Variants in CUX1 observed in about 807,000 individuals in gnomAD.
CUX1 encodes the protein protein CASP.
Under a neutral mutation model 158.8 loss-of-function variants are expected in CUX1, and 31 were observed. That is an observed-to-expected ratio of 0.20 (90% CI 0.15 to 0.26). The LOEUF (loss-of-function observed/expected upper bound fraction) is 0.26. CUX1 is among the 10% of genes least tolerant of loss of function. The pLI, the probability that CUX1 is intolerant of heterozygous loss-of-function variation, is 1.00. For missense variants in CUX1, 1,589 were observed against 2,014.6 expected (o/e 0.79, Z 4.04); for synonymous variants, 879 against 862.1 (o/e 1.02, Z -0.34).
chr7:101,898,653 C>T lies in CUX1; in HGVS notation c.31-17462C>T, dbSNP rs1440833575. Reference sequence around the variant, plus strand: ...TGGCCTGGGCTGGAGTGCAGCGGCGCGACCTTGGCTCACTGCAACCTCCGC... The same window carrying T: ...TGGCCTGGGCTGGAGTGCAGCGGCGTGACCTTGGCTCACTGCAACCTCCGC... On this transcript the variant is annotated intron_variant, in intron 1 of 23. Transcript: ENST00000292535. Among the ~76,000 whole-genome samples the T allele has an allele frequency of 4.7e-5, 7 of 147,682 alleles. No homozygotes were observed. In the East Asian group the frequency reaches 1.0e-3, roughly 21 times the overall value.
At chr7:102,030,227 G>T (rs542544206) in intron 3 of CUX1, among the ~76,000 whole-genome samples, 1 of 152,136 alleles carries the variant, frequency 6.6e-6, no homozygotes, top group Non-Finnish European at 1.5e-5. Context: ...GGTCAGGCTG[G>T]TCTCTCATTC....
At chr7:101,973,684 AAAGT>A (rs1812271841) in intron 2 of CUX1, among the ~76,000 whole-genome samples, 1 of 152,084 alleles carries the variant, frequency 6.6e-6, no homozygotes, top group Non-Finnish European at 1.5e-5. Flanking sequence ...AGAGGGAAAG[AAAGT>A]GACATGTCCC....
chr7:102,252,480 T>A lies in CUX1; in HGVS notation c.*3438T>A. 1 of 985,468 alleles carries A rather than the reference T, an allele frequency of 1.0e-6. No homozygotes were observed. Among genetic ancestry groups the A allele is most frequent in the South Asian group, 4.7e-5 (1 of 21,290 alleles). The allele number at this position is 985,468 out of a possible 1,614,324, so 61.0% of individuals were successfully genotyped here. ...TCCATATAAAACACTAACACTTAAT[T>A]ACAAGCTCCATTATGCCATTTTAAA... On this transcript the variant is annotated 3_prime_UTR_variant, in exon 24 of 24. Transcript: ENST00000292535.
intron 2 of CUX1, among the ~76,000 whole-genome samples, chr7:101,951,129 A>C (rs1163515827): frequency 1.3e-5 from 2 of 152,184 alleles, no homozygotes; most frequent in Non-Finnish European, 2.9e-5. Context: ...CTGAAGTTCT[A>C]GACCAGCCTG....
At chr7:101,933,833 C>T (rs1247525297) in intron 2 of CUX1, among the ~76,000 whole-genome samples, 2 of 152,102 alleles carry the variant, frequency 1.3e-5, no homozygotes, top group Non-Finnish European at 2.9e-5. Context: ...TAAAAATAGC[C>T]ATTCTGTCTT....
intron 8 of CUX1, among the ~76,000 whole-genome samples, chr7:102,123,332 G>A (rs572447241): frequency 8.5e-5 from 13 of 152,072 alleles, no homozygotes; most frequent in Admixed American, 4.6e-4. Context: ...TTTATCGGCC[G>A]GGCGCAGTGG....
At chr7:102,240,289 G>A (rs1800054710) in intron 23 of CUX1, among the ~76,000 whole-genome samples, 2 of 152,070 alleles carry the variant, frequency 1.3e-5, no homozygotes, top group Non-Finnish European at 2.9e-5. Flanking sequence ...TATTTTTAGA[G>A]ACAAGGGCTT....
Position 102,215,229 on chromosome 7 carries a change from CTTTT to C in CUX1, c.3130+10085_3130+10088del, listed in dbSNP as rs547506149. ...AAGAGCATGGCAATGGTTACTCCAACTTTTTTTTTTTTTTTTTTTTTTTTTTTTT... is the reference window on the plus strand; with the variant it reads ...AAGAGCATGGCAATGGTTACTCCAACTTTTTTTTTTTTTTTTTTTTTTTTT... On this transcript the variant is annotated intron_variant, in intron 20 of 23. Transcript: ENST00000292535. Among the ~76,000 whole-genome samples the C allele has an allele frequency of 6.3e-4, 58 of 92,736 alleles. 2 individuals carry two copies. The highest frequency in any genetic ancestry group is 2.2e-3 in the African/African-American group (52 of 23,386). The allele number at this position is 92,736 out of a possible 152,430, so 60.8% of individuals were successfully genotyped here.
intron 4 of CUX1, among the ~76,000 whole-genome samples, chr7:102,086,569 C>G (rs1478130417): frequency 6.6e-6 from 1 of 150,908 alleles, no homozygotes; most frequent in East Asian, 1.9e-4. Context: ...TCCATATTGA[C>G]TATATAAAAA....
chr7:101,905,567 C>T (rs1245791642), intron 1 of CUX1, among the ~76,000 whole-genome samples: 1 of 152,224 alleles, frequency 6.6e-6, no homozygotes, highest in African/African-American at 2.4e-5. Flanking sequence ...TCTTTCCTCT[C>T]CTAGACCCGG....
chr7:102,024,235 A>G (rs1366839422), intron 2 of CUX1, among the ~76,000 whole-genome samples: 1 of 152,188 alleles, frequency 6.6e-6, no homozygotes, highest in African/African-American at 2.4e-5. Flanking sequence ...TCTCTGCTAC[A>G]GTCTGAAATC....
intron 2 of CUX1, among the ~76,000 whole-genome samples, chr7:102,000,233 A>ATCTCTCTTTTTTTTTTTT: frequency 6.7e-6 from 1 of 149,614 alleles, no homozygotes; most frequent in East Asian, 1.9e-4. Context: ...AAAAAGAGAG[A>ATCTCTCTTTTTTTTTTTT]GAGAGAGAGA....
At chr7:102,047,221 C>A (rs116234225) in intron 3 of CUX1, among the ~76,000 whole-genome samples, 1 of 152,018 alleles carries the variant, frequency 6.6e-6, no homozygotes, top group Non-Finnish European at 1.5e-5. Context: ...CAGTGCTTGG[C>A]GCTCTGTTAA....
intron 1 of CUX1, among the ~76,000 whole-genome samples, chr7:101,886,124 C>T (rs937462611): frequency 6.6e-6 from 1 of 152,158 alleles, no homozygotes; most frequent in Non-Finnish European, 1.5e-5. Flanking sequence ...TGGGTGGTTA[C>T]CCTTTTGGGG....
At chr7:101,981,647 C>G (rs113634181) in intron 2 of CUX1, among the ~76,000 whole-genome samples, 8 of 151,910 alleles carry the variant, frequency 5.3e-5, no homozygotes, top group African/African-American at 1.9e-4. Context: ...GAGTCTCGCT[C>G]TGTCGCCCAG....
At chr7:102,247,740 A>C (rs1353151758) in intron 23 of CUX1, among the ~76,000 whole-genome samples, 1 of 152,210 alleles carries the variant, frequency 6.6e-6, no homozygotes. Context: ...AGGATCACTC[A>C]AGCCCAGTAG....
At position 102,253,209 on chromosome 7, in the gene CUX1, G is replaced by A; in HGVS notation, c.*4167G>A. ...CTGGTTGGCGGTCCGGGCCCAGAGT[G>A]CAGCAGAGCTCTGGGTTAAATATTC... On this transcript the variant is annotated 3_prime_UTR_variant, in exon 24 of 24. Coordinates refer to ENST00000292535, the MANE Select transcript of CUX1 (RefSeq NM_181552.4). 1.0e-6 allele frequency: 1 copy of A among 985,486 alleles called. No homozygotes were observed. Among genetic ancestry groups the A allele is most frequent in the Non-Finnish European group, 1.2e-6 (1 of 829,964 alleles). 61.0% of individuals were successfully genotyped at this position (985,486 alleles called of 1,614,324 possible). A position where few individuals can be genotyped will look rare whatever the true frequency, so the allele number is the denominator to read the frequency against.
At chr7:102,080,601 G>A (rs1352047343) in intron 4 of CUX1, among the ~76,000 whole-genome samples, 4 of 152,136 alleles carry the variant, frequency 2.6e-5, no homozygotes, top group African/African-American at 4.8e-5. Flanking sequence ...TATTAAGATT[G>A]GCTTTTTCAG....
chr7:101,917,934 A>G (rs1804417838), intron 2 of CUX1, among the ~76,000 whole-genome samples: 2 of 152,362 alleles, frequency 1.3e-5, no homozygotes, highest in South Asian at 4.1e-4. Flanking sequence ...CAGGAGTTCA[A>G]GACCAGCCTG....
Sources: allele counts gnomAD v4.1 joint callset (sites outside exome capture counted in the v4.1 genomes callset), GRCh38; gene constraint gnomAD v4.1.1; transcripts MANE v1.5; gene names NCBI Gene and HGNC (gene_info 2026-07-23, HGNC 2026-07-21).